Variants in FAR2 observed in about 807,000 individuals in gnomAD.
FAR2 encodes fatty acyl-CoA reductase 2, also known as epididymis secretory protein Li 81.
A neutral mutation model predicts 56.0 loss-of-function variants in FAR2; 19 were observed. The ratio of observed to expected loss-of-function variants is 0.34; its 90% CI spans 0.24 to 0.50. The LOEUF (loss-of-function observed/expected upper bound fraction) is 0.50, where lower values mean the gene tolerates loss of function less well. Ranked by LOEUF, FAR2 falls within the 20% of genes least tolerant of loss-of-function variation. The probability of loss-of-function intolerance (pLI) is 0.98; values close to 1 mark genes in which losing one functional copy is unlikely to be tolerated. For synonymous variants in FAR2, 219 were observed against 218.8 expected, an observed-to-expected ratio of 1.00 and a Z score of -0.01; for missense variants, 508 against 642.2, an observed-to-expected ratio of 0.79 and a Z score of 2.26.
intron 8 of FAR2, among the ~76,000 whole-genome samples, chr12:29,315,056 T>C (rs746154993): frequency 6.6e-6 from 1 of 152,080 alleles, no homozygotes; most frequent in Non-Finnish European, 1.5e-5. Context: ...AGGAGAAATA[T>C]ACATCAGATA....
intron 1 of FAR2, among the ~76,000 whole-genome samples, chr12:29,196,320 T>C (rs1004597083): frequency 3.7e-4 from 57 of 152,146 alleles, no homozygotes; most frequent in African/African-American, 1.1e-3. Flanking sequence ...ATATAAGCAT[T>C]CTCTTTTCTC....
At chr12:29,282,259 A>G (rs1440279361) in intron 2 of FAR2, 2 of 152,220 alleles carry the variant, frequency 1.3e-5, no homozygotes, top group Non-Finnish European at 2.9e-5. Flanking sequence ...CACTGTCTTC[A>G]TGTCACTCGA....
chr12:29,190,400 A>G (rs550532660), intron 1 of FAR2, among the ~76,000 whole-genome samples: 8 of 152,040 alleles, frequency 5.3e-5, no homozygotes, highest in Admixed American at 2.0e-4. Context: ...AGGAGCCAGC[A>G]GAGGTGATTT....
chr12:29,201,167 A>C (rs1947406888), intron 1 of FAR2, among the ~76,000 whole-genome samples: 1 of 151,994 alleles, frequency 6.6e-6, no homozygotes, highest in Non-Finnish European at 1.5e-5. Flanking sequence ...TCCTGTTTTG[A>C]ATCTGGATAC....
chr12:29,281,736 A>T (rs1163894393), intron 2 of FAR2, among the ~76,000 whole-genome samples: 1 of 107,030 alleles, frequency 9.3e-6, no homozygotes, highest in African/African-American at 5.0e-5. Flanking sequence ...TAGGCACAAC[A>T]TCACCTAAAA....
chr12:29,167,426 C>T (rs754171297), intron 1 of FAR2, among the ~76,000 whole-genome samples: 5 of 152,182 alleles, frequency 3.3e-5, no homozygotes, highest in Non-Finnish European at 7.3e-5. Context: ...GTCTGACCTA[C>T]GTTTTTCTAC....
intron 1 of FAR2, among the ~76,000 whole-genome samples, chr12:29,192,831 G>C (rs1422281289): frequency 2.0e-5 from 3 of 152,084 alleles, no homozygotes. Flanking sequence ...CAGGAGTCTG[G>C]TTGGCATAAA....
intron 1 of FAR2, chr12:29,156,670 T>C (rs1591821679): frequency 6.6e-6 from 1 of 152,188 alleles, no homozygotes; most frequent in East Asian, 1.9e-4. Flanking sequence ...TGCACACTTT[T>C]ATATGAATAG....
intron 1 of FAR2, among the ~76,000 whole-genome samples, chr12:29,160,067 A>T (rs887377921): frequency 2.0e-5 from 3 of 152,174 alleles, no homozygotes; most frequent in African/African-American, 7.2e-5. Flanking sequence ...GTCTGATGAG[A>T]GGATTTCTAG....
At chr12:29,275,328 A>C (rs377074191) in intron 2 of FAR2, among the ~76,000 whole-genome samples, 2 of 152,062 alleles carry the variant, frequency 1.3e-5, no homozygotes, top group African/African-American at 4.8e-5. Flanking sequence ...AGACGATGTC[A>C]TCAGTTAAGG....
rs1255723344 is a variant in FAR2 at position 29,321,790 on chromosome 12, C to T, written c.1128-5C>T. 1.1e-5 allele frequency: 18 copies of T among 1,612,522 alleles called. No individual in the cohort carries two copies. The highest frequency in any genetic ancestry group is 1.5e-5 in the Non-Finnish European group (18 of 1,179,052). ...ATATTTACTCCTATCTGATGGTTAT[C>T]TCAGGATGACAAAGCTCATGAATCG... is the stretch of plus-strand genomic sequence containing the variant. On this transcript the variant is annotated splice_polypyrimidine_tract_variant and splice_region_variant and intron_variant, in intron 9 of 11. Coordinates refer to ENST00000536681, the MANE Select transcript of FAR2 (RefSeq NM_001271783.2).
intron 1 of FAR2, among the ~76,000 whole-genome samples, chr12:29,259,129 G>C (rs11831383): frequency 1.3e-5 from 2 of 152,080 alleles, no homozygotes; most frequent in African/African-American, 4.8e-5. Flanking sequence ...AATTAAAGAA[G>C]GTTCTAGAAA....
At chr12:29,267,119 G>A (rs1169446516) in intron 1 of FAR2, among the ~76,000 whole-genome samples, 1 of 152,134 alleles carries the variant, frequency 6.6e-6, no homozygotes, top group African/African-American at 2.4e-5. Context: ...ATGAAGTATA[G>A]TTATATTTGG....
chr12:29,293,550 A>AC (rs1286015836), intron 3 of FAR2, 75 bp downstream of exon 3: 67 of 1,298,264 alleles, frequency 5.2e-5, no homozygotes, highest in Non-Finnish European at 6.4e-5. Context: ...TCTGTAAAAA[A>AC]AAAGAAATAC....
chr12:29,231,150 G>A (rs766860243), intron 1 of FAR2, among the ~76,000 whole-genome samples: 43 of 152,160 alleles, frequency 2.8e-4, no homozygotes, highest in Non-Finnish European at 1.8e-4. Flanking sequence ...CAACGAGTTT[G>A]GAGTTGGGGA....
At chr12:29,173,793 C>T (rs1949910458) in intron 1 of FAR2, among the ~76,000 whole-genome samples, 1 of 152,226 alleles carries the variant, frequency 6.6e-6, no homozygotes, top group Non-Finnish European at 1.5e-5. Flanking sequence ...AGTCCCTAGA[C>T]CCTGCTGATC....
intron 1 of FAR2, among the ~76,000 whole-genome samples, chr12:29,238,098 A>C (rs1947968365): frequency 6.6e-6 from 1 of 152,210 alleles, no homozygotes; most frequent in South Asian, 2.1e-4. Flanking sequence ...CTGCAGTTTA[A>C]GAAACCATAA....
At chr12:29,271,733 C>A (rs1357517778) in intron 2 of FAR2, among the ~76,000 whole-genome samples, 1 of 152,192 alleles carries the variant, frequency 6.6e-6, no homozygotes, top group Admixed American at 6.5e-5. Context: ...ACAAAATAAT[C>A]CTAACAGCTA....
At chr12:29,255,612 CTTTTTTCTTT>C (rs1484434461) in intron 1 of FAR2, among the ~76,000 whole-genome samples, 4 of 151,868 alleles carry the variant, frequency 2.6e-5, no homozygotes, top group East Asian at 1.9e-4. Flanking sequence ...TCACTACTTT[CTTTTTTCTTT>C]TTTTTTCTTT....
Sources: allele counts gnomAD v4.1 joint callset (sites outside exome capture counted in the v4.1 genomes callset), GRCh38; gene constraint gnomAD v4.1.1; transcripts MANE v1.5; gene names NCBI Gene and HGNC (gene_info 2026-07-23, HGNC 2026-07-21).